KCNC2: variants seen among roughly 807,000 people sequenced by gnomAD.
The protein encoded by KCNC2 is potassium voltage-gated channel subfamily C member 2.
Under a neutral mutation model 44.5 loss-of-function variants are expected in KCNC2, and 21 were observed. The ratio of observed to expected loss-of-function variants is 0.47; its 90% CI spans 0.33 to 0.68. KCNC2 has a LOEUF of 0.68. Ranked by LOEUF, KCNC2 falls within the 30% of genes least tolerant of loss-of-function variation. The pLI is 0.01. For missense variants in KCNC2, 589 were observed against 826.2 expected, an observed-to-expected ratio of 0.71 and a Z score of 3.52; for synonymous variants, 391 against 339.1, an observed-to-expected ratio of 1.15 and a Z score of -1.68.
In KCNC2 at chr12:75,147,003, A is replaced by C. The variant is rs376702391; in HGVS notation, c.687+60294T>G. ...AAAAACCTTAATATTTACACATCATAAGACTTTATACTTAGAAAATACAGG... is the reference window on the plus strand; with the variant it reads ...AAAAACCTTAATATTTACACATCATCAGACTTTATACTTAGAAAATACAGG... On this transcript the variant is annotated intron_variant, in intron 2 of 4. Coordinates refer to ENST00000549446, the MANE Select transcript of KCNC2 (RefSeq NM_139137.4). Among the ~76,000 whole-genome samples the C allele has an allele frequency of 2.6e-4, 39 of 152,310 alleles. 1 individual carries two copies. Among genetic ancestry groups the C allele is most frequent in the African/African-American group, 8.7e-4 (36 of 41,594 alleles).
At chr12:75,182,520 C>CA (rs71438888) in intron 2 of KCNC2, among the ~76,000 whole-genome samples, 2,891 of 80,892 alleles carry the variant, frequency 0.036, 58 homozygotes, top group Middle Eastern at 0.064. Context: ...GATTCCGTCT[C>CA]AAAAAAAAAA....
At chr12:75,122,735 A>G (rs1888132215) in intron 2 of KCNC2, among the ~76,000 whole-genome samples, 1 of 152,176 alleles carries the variant, frequency 6.6e-6, no homozygotes, top group African/African-American at 2.4e-5. Flanking sequence ...AATATTCATT[A>G]TCATCTAGTA....
chr12:75,161,583 A>T (rs1891128932), intron 2 of KCNC2, among the ~76,000 whole-genome samples: 2 of 151,742 alleles, frequency 1.3e-5, no homozygotes, highest in African/African-American at 4.8e-5. Flanking sequence ...TCCTCTAGGA[A>T]CATAAATTTT....
At chr12:75,163,240 T>G (rs529949760) in intron 2 of KCNC2, among the ~76,000 whole-genome samples, 1 of 151,888 alleles carries the variant, frequency 6.6e-6, no homozygotes, top group South Asian at 2.1e-4. Flanking sequence ...AAGCTGATAT[T>G]TTATTTCCTT....
At chr12:75,187,194 T>C (rs1032594284) in intron 2 of KCNC2, among the ~76,000 whole-genome samples, 1 of 152,216 alleles carries the variant, frequency 6.6e-6, no homozygotes, top group African/African-American at 2.4e-5. Flanking sequence ...ATACACAATG[T>C]GCATTGTAAA....
rs77824035 is a variant in KCNC2, at chr12:75,192,696, A to G, written c.687+14601T>C. Among the ~76,000 whole-genome samples the G allele has an allele frequency of 1.2e-3, 178 of 152,324 alleles. 1 individual carries two copies. Among genetic ancestry groups the G allele is most frequent in the African/African-American group, 4.2e-3 (174 of 41,588 alleles). On this transcript the variant is annotated intron_variant, in intron 2 of 4. Transcript: ENST00000549446. ...ATTTGGGGATCAGAATAAATTAAAA[A>G]GTGGGAAAAGAAGGTGAGCTCAAAG...
At chr12:75,149,889 T>G (rs530294801) in intron 2 of KCNC2, among the ~76,000 whole-genome samples, 1 of 151,996 alleles carries the variant, frequency 6.6e-6, no homozygotes, top group South Asian at 2.1e-4. Flanking sequence ...TGAGACAAAT[T>G]CAGTAAAAAT....
rs746116279 is a variant in KCNC2, at chr12:75,207,453, G to T, written c.531C>A (p.Gly177=). 1 of 1,610,186 alleles carries T rather than the reference G, an allele frequency of 6.2e-7. No individual in the cohort carries two copies. Among genetic ancestry groups the T allele is most frequent in the South Asian group, 1.1e-5 (1 of 90,720 alleles). ...DIFETPDLIG[G]DPGDDEDLAA... ...CCAGGTCCTCGTCGTCGCCGGGGTCGCCGCCAATGAGGTCGGGGGTCTCGA... is the reference window on the plus strand; with the variant it reads ...CCAGGTCCTCGTCGTCGCCGGGGTCTCCGCCAATGAGGTCGGGGGTCTCGA... Residue 177 remains glycine (G), a synonymous_variant, in exon 2 of 5, where the codon GGC becomes GGA. Transcript: ENST00000549446. The surrounding 1 kb of genome is among the most constrained non-coding windows in gnomAD (Gnocchi z 4.1).
At chr12:75,163,819 CACTT>C (rs1326215339) in intron 2 of KCNC2, among the ~76,000 whole-genome samples, 1 of 151,646 alleles carries the variant, frequency 6.6e-6, no homozygotes, top group Non-Finnish European at 1.5e-5. Context: ...TATCTTAAAA[CACTT>C]ACAGTCTTGC....
chr12:75,127,545 A>T (rs1888521063), intron 2 of KCNC2, among the ~76,000 whole-genome samples: 1 of 152,200 alleles, frequency 6.6e-6, no homozygotes, highest in Non-Finnish European at 1.5e-5. Context: ...GAACAGCTTC[A>T]AGAGGGCCAG....
chr12:75,086,660 CAA>C (rs751242858), intron 2 of KCNC2, among the ~76,000 whole-genome samples: 295 of 116,938 alleles, frequency 2.5e-3, no homozygotes, highest in African/African-American at 7.1e-3. Context: ...GTTCATTTGG[CAA>C]AAAAAAAAAA....
chr12:75,092,883 G>A (rs1885604776), intron 2 of KCNC2, among the ~76,000 whole-genome samples: 2 of 151,448 alleles, frequency 1.3e-5, no homozygotes, highest in South Asian at 4.1e-4. Flanking sequence ...ATGTGGATAA[G>A]CTTATTATAT....
intron 2 of KCNC2, among the ~76,000 whole-genome samples, chr12:75,168,723 C>T (rs541624096): frequency 6.6e-6 from 1 of 151,394 alleles, no homozygotes; most frequent in Admixed American, 6.6e-5. Flanking sequence ...CAAATTTAAC[C>T]CCAAATTATT....
intron 2 of KCNC2, among the ~76,000 whole-genome samples, chr12:75,113,232 C>A (rs564238210): frequency 1.3e-5 from 2 of 152,052 alleles, no homozygotes; most frequent in Non-Finnish European, 2.9e-5. Flanking sequence ...AATGCAAATG[C>A]TTTAAAATTA....
chr12:75,166,893 G>A (rs1223658584), intron 2 of KCNC2, among the ~76,000 whole-genome samples: 1 of 150,974 alleles, frequency 6.6e-6, no homozygotes, highest in African/African-American at 2.4e-5. Context: ...TAAGAATTAG[G>A]AAAAGAAGAG....
intron 2 of KCNC2, among the ~76,000 whole-genome samples, chr12:75,083,114 T>G (rs907612475): frequency 9.4e-6 from 1 of 105,842 alleles, no homozygotes; most frequent in African/African-American, 2.8e-5. Flanking sequence ...CTTTTATCTG[T>G]TATTTCCAAA....
intron 2 of KCNC2, among the ~76,000 whole-genome samples, chr12:75,101,060 T>C (rs2137179057): frequency 6.6e-6 from 1 of 152,256 alleles, no homozygotes; most frequent in Admixed American, 6.5e-5. Flanking sequence ...ATACTTTAAT[T>C]GCAGACTCAC....
rs141808447 is a variant in KCNC2 at position 75,139,854 on chromosome 12, C to T, written c.687+67443G>A. Among the ~76,000 whole-genome samples the T allele has an allele frequency of 7.6e-4, 116 of 152,186 alleles. No homozygotes were observed. The East Asian group carries it at 0.017, about 22-fold the overall frequency. Reference sequence around the variant, plus strand: ...AAGTATTGCAGCGGAAGAAAAACTACGAGCAAACATATATTTCAGCCATAA... The same window carrying T: ...AAGTATTGCAGCGGAAGAAAAACTATGAGCAAACATATATTTCAGCCATAA... On this transcript the variant is annotated intron_variant, in intron 2 of 4. Coordinates refer to ENST00000549446, the MANE Select transcript of KCNC2 (RefSeq NM_139137.4).
intron 2 of KCNC2, among the ~76,000 whole-genome samples, chr12:75,057,372 TCAAGTAGGAA>T (rs1418070596): frequency 6.6e-6 from 1 of 152,000 alleles, no homozygotes; most frequent in East Asian, 1.9e-4. Flanking sequence ...TAAAGGCCAA[TCAAGTAGGAA>T]CAAGTAGGGT....
Sources: allele counts gnomAD v4.1 joint callset (sites outside exome capture counted in the v4.1 genomes callset), GRCh38; gene constraint gnomAD v4.1.1; non-coding constraint Gnocchi (gnomAD v3.1); transcripts MANE v1.5; gene names NCBI Gene and HGNC (gene_info 2026-07-23, HGNC 2026-07-21).